The following CDH7 variants were observed in gnomAD, a reference collection of about 807,000 sequenced individuals.
CDH7 encodes the protein cadherin-7.
Under a neutral mutation model 71.8 loss-of-function variants are expected in CDH7, and 25 were observed. The observed-to-expected ratio is 0.35, with a 90% confidence interval of 0.25 to 0.49. CDH7 has a LOEUF of 0.49. CDH7 is among the 20% of genes least tolerant of loss of function. CDH7 has a pLI of 0.99. For synonymous variants in CDH7, 381 were observed against 363.8 expected (o/e 1.05, Z -0.54); for missense variants, 862 against 974.6 (o/e 0.88, Z 1.54).
chr18:65,840,931 T>C (rs907221046), intron 6 of CDH7, among the ~76,000 whole-genome samples: 1 of 152,172 alleles, frequency 6.6e-6, no homozygotes, highest in Non-Finnish European at 1.5e-5. Flanking sequence ...TAATTAATTC[T>C]AATAGTTATG....
rs532559455 is a variant in CDH7 at position 65,761,502 on chromosome 18, A to G, written c.-196-1145A>G. Among the ~76,000 whole-genome samples the G allele has an allele frequency of 6.7e-5, 10 of 149,154 alleles. No homozygotes were observed. The South Asian group carries it at 1.5e-3, about 22-fold the overall frequency. ...TTAATAGGAGACATCTTTTGGCTTTATGTTCTCAACACTATATTTTTCTCC... is the reference window on the plus strand; with the variant it reads ...TTAATAGGAGACATCTTTTGGCTTTGTGTTCTCAACACTATATTTTTCTCC... On this transcript the variant is annotated intron_variant, in intron 1 of 11. Coordinates refer to ENST00000397968, the MANE Select transcript of CDH7 (RefSeq NM_004361.5).
chr18:65,820,020 GC>G, intron 4 of CDH7, among the ~76,000 whole-genome samples: 1 of 18,164 alleles, frequency 5.5e-5, no homozygotes, highest in Non-Finnish European at 2.5e-4. Flanking sequence ...TTCAATAGTA[GC>G]AGAATATGCT....
intron 2 of CDH7, among the ~76,000 whole-genome samples, chr18:65,791,471 A>G (rs1910710435): frequency 6.6e-6 from 1 of 152,204 alleles, no homozygotes; most frequent in African/African-American, 2.4e-5. Flanking sequence ...CATCGTTATC[A>G]CTAGTTCATT....
intron 11 of CDH7, among the ~76,000 whole-genome samples, chr18:65,869,464 G>T (rs555962229): frequency 1.6e-4 from 24 of 150,446 alleles, no homozygotes; most frequent in Admixed American, 7.3e-4. Flanking sequence ...TAGTCAAATT[G>T]CATCTGTTGC....
intron 2 of CDH7, among the ~76,000 whole-genome samples, chr18:65,773,370 T>C (rs1416313054): frequency 2.0e-5 from 3 of 152,194 alleles, no homozygotes; most frequent in African/African-American, 7.2e-5. Flanking sequence ...CTTATTATTG[T>C]ATTTTAATAT....
chr18:65,876,748 C>G (rs1335102783), intron 11 of CDH7, among the ~76,000 whole-genome samples: 1 of 152,138 alleles, frequency 6.6e-6, no homozygotes, highest in Non-Finnish European at 1.5e-5. Flanking sequence ...ATCTGTTGGT[C>G]CCACGGAATC....
chr18:65,856,396 G>T (rs914210145), intron 7 of CDH7, among the ~76,000 whole-genome samples: 1 of 152,090 alleles, frequency 6.6e-6, no homozygotes, highest in African/African-American at 2.4e-5. Flanking sequence ...AGGAAATAAA[G>T]GCAAATTGAT....
rs114314547 is a variant in CDH7 at position 65,835,659 on chromosome 18, C to T, written c.982-8153C>T. ...GCATGCTGGAAAATGTTGACCTCAG[C>T]GTAGTAAGGGAATTGGCCTGAGCTG... On this transcript the variant is annotated intron_variant, in intron 6 of 11. Transcript: ENST00000397968. Among the ~76,000 whole-genome samples, 1,520 of 152,192 alleles carry T rather than the reference C, an allele frequency of 1.0e-2. 39 individuals carry two copies. The highest frequency in any genetic ancestry group is 0.035 in the African/African-American group (1,462 of 41,520).
At chr18:65,827,108 A>G (rs533198529) in intron 6 of CDH7, among the ~76,000 whole-genome samples, 1 of 151,774 alleles carries the variant, frequency 6.6e-6, no homozygotes, top group Non-Finnish European at 1.5e-5. Flanking sequence ...CAATCATTAT[A>G]TGAGAAGTTA....
chr18:65,781,910 CTCTT>C lies in CDH7; in HGVS notation c.210+18862_210+18865del, dbSNP rs1465231965. ...TCTCTCTCTTTCTCTCTATCTTTCT[CTCTT>C]TCTCTCTTTCTCTCTCTCTCTCTCT... On this transcript the variant is annotated intron_variant, in intron 2 of 11. Coordinates refer to ENST00000397968, the MANE Select transcript of CDH7 (RefSeq NM_004361.5). Among the ~76,000 whole-genome samples the C allele has an allele frequency of 1.5e-4, 16 of 107,394 alleles. 2 individuals are homozygous for C. The highest frequency in any genetic ancestry group is 2.3e-4 in the Non-Finnish European group (13 of 55,556). The allele number at this position is 107,394 out of a possible 152,430, so 70.5% of individuals were successfully genotyped here. A position where few individuals can be genotyped will look rare whatever the true frequency, so the allele number is the denominator to read the frequency against.
intron 6 of CDH7, among the ~76,000 whole-genome samples, chr18:65,827,074 A>T (rs1007478491): frequency 7.2e-5 from 11 of 151,774 alleles, no homozygotes; most frequent in African/African-American, 2.7e-4. Context: ...ATCAATCATT[A>T]GTTATTATTA....
In CDH7 at chr18:65,781,819, CTTCTTTCTTTCT is replaced by C. The variant is rs1224080276; in HGVS notation, c.210+18804_210+18815del. On this transcript the variant is annotated intron_variant, in intron 2 of 11. Transcript: ENST00000397968. ...CCTTCCTTCCTTCCTTCCTTCCTTC[CTTCTTTCTTTCT>C]TTCTTTCTTTCTTTCTTTCTTTCTT... 6.1e-4 allele frequency among the ~76,000 whole-genome samples: 27 copies of C among 43,912 alleles called. 1 individual carries two copies. The highest frequency in any genetic ancestry group is 5.2e-3 in the East Asian group (6 of 1,152). The allele number at this position is 43,912 out of a possible 152,430, so 28.8% of individuals were successfully genotyped here. A position where few individuals can be genotyped will look rare whatever the true frequency, so the allele number is the denominator to read the frequency against.
rs1914381711 is a variant in CDH7 at position 65,886,664 on chromosome 18, A to G, written c.*5770A>G. 2.0e-5 allele frequency: 3 copies of G among 152,160 alleles called. No individual in the cohort carries two copies. Among genetic ancestry groups the G allele is most frequent in the Admixed American group, 2.0e-4 (3 of 15,280 alleles). The allele number at this position is 152,160 out of a possible 1,614,324, so 9.4% of individuals were successfully genotyped here. On this transcript the variant is annotated 3_prime_UTR_variant, in exon 12 of 12. Coordinates refer to ENST00000397968, the MANE Select transcript of CDH7 (RefSeq NM_004361.5). ...GTGGTCTTCCAGGCATCCAGAGTAG[A>G]TAAAGAAAATGAAGTTCTAGAGAAT...
In CDH7 at chr18:65,884,072, A is replaced by T. The variant is rs2144080211; in HGVS notation, c.*3178A>T. On this transcript the variant is annotated 3_prime_UTR_variant, in exon 12 of 12. Coordinates refer to ENST00000397968, the MANE Select transcript of CDH7 (RefSeq NM_004361.5). ...GAACAGTTTAATTTATTGAAAAATCAGATGCATTTTACTTCTTACTGTCTA... is the reference window on the plus strand; with the variant it reads ...GAACAGTTTAATTTATTGAAAAATCTGATGCATTTTACTTCTTACTGTCTA... 1 of 152,290 alleles carries T rather than the reference A, an allele frequency of 6.6e-6. No individual in the cohort carries two copies. The highest frequency in any genetic ancestry group is 1.5e-5 in the Non-Finnish European group (1 of 67,994). 9.4% of individuals were successfully genotyped at this position (152,290 alleles called of 1,614,324 possible).
chr18:65,818,192 A>G (rs1290157257), intron 4 of CDH7, among the ~76,000 whole-genome samples: 4 of 152,230 alleles, frequency 2.6e-5, no homozygotes, highest in Admixed American at 6.5e-5. Flanking sequence ...GAATGTCTAT[A>G]CATCCCATTC....
At chr18:65,849,612 C>T (rs1343306112) in intron 7 of CDH7, among the ~76,000 whole-genome samples, 1 of 151,526 alleles carries the variant, frequency 6.6e-6, no homozygotes, top group African/African-American at 2.4e-5. Flanking sequence ...AGGGTCTCAC[C>T]ATGTTGGCCA....
chr18:65,877,246 A>G (rs1327476876), intron 11 of CDH7, among the ~76,000 whole-genome samples: 2 of 152,124 alleles, frequency 1.3e-5, no homozygotes, highest in African/African-American at 4.8e-5. Context: ...TGCATAACAC[A>G]TTAATATCCT....
intron 6 of CDH7, among the ~76,000 whole-genome samples, chr18:65,834,520 G>GT (rs1411931381): frequency 2.0e-4 from 30 of 152,096 alleles, no homozygotes; most frequent in African/African-American, 5.8e-4. Flanking sequence ...AAGGCAAACT[G>GT]TTTTATTCTT....
At chr18:65,794,751 G>A (rs1369143968) in intron 2 of CDH7, among the ~76,000 whole-genome samples, 21 of 152,188 alleles carry the variant, frequency 1.4e-4, no homozygotes, top group Admixed American at 1.0e-3. Context: ...CACTCAGGGC[G>A]GTGTGGGGGG....
Sources: allele counts gnomAD v4.1 joint callset (sites outside exome capture counted in the v4.1 genomes callset), GRCh38; gene constraint gnomAD v4.1.1; transcripts MANE v1.5; gene names NCBI Gene and HGNC (gene_info 2026-07-23, HGNC 2026-07-21).